STON2: variants seen among roughly 807,000 people sequenced by gnomAD.
STON2 encodes the protein stonin-2.
Under a neutral mutation model 65.7 loss-of-function variants are expected in STON2, and 29 were observed. The observed-to-expected ratio is 0.44, with a 90% CI of 0.33 to 0.60. The LOEUF (loss-of-function observed/expected upper bound fraction) is 0.60, where lower values mean the gene tolerates loss of function less well. Ranked by LOEUF, STON2 falls within the 20% of genes least tolerant of loss-of-function variation. The probability of loss-of-function intolerance (pLI) is 0.03; values close to 1 mark genes in which losing one functional copy is unlikely to be tolerated. For synonymous variants in STON2, 404 were observed against 414.2 expected (o/e 0.98, Z 0.30); for missense variants, 1,054 against 1,118.1 (o/e 0.94, Z 0.82).
intron 3 of STON2, among the ~76,000 whole-genome samples, chr14:81,394,144 T>C (rs1213159491): frequency 6.6e-6 from 1 of 151,860 alleles, no homozygotes; most frequent in Non-Finnish European, 1.5e-5. Flanking sequence ...TGAGCTGAGA[T>C]TGCACCACTG....
In STON2 at chr14:81,266,814, A is replaced by G; in HGVS notation, c.*1600T>C. The G allele has an allele frequency of 1.3e-6, 1 of 758,078 alleles. No homozygotes were observed. The highest frequency in any genetic ancestry group is 6.0e-5 in the South Asian group (1 of 16,684). The allele number at this position is 758,078 out of a possible 1,614,324, so 47.0% of individuals were successfully genotyped here. ...CACCGTTCCCATCAACACCACACACATAAACACACACAAACACACACATCC... is the reference window on the plus strand; with the variant it reads ...CACCGTTCCCATCAACACCACACACGTAAACACACACAAACACACACATCC... On this transcript the variant is annotated 3_prime_UTR_variant, in exon 8 of 8. Transcript: ENST00000614646.
intron 4 of STON2, among the ~76,000 whole-genome samples, chr14:81,340,132 C>G (rs572629168): frequency 6.6e-6 from 1 of 152,124 alleles, no homozygotes; most frequent in Non-Finnish European, 1.5e-5. Context: ...CCAGCCTGGG[C>G]GACAGAGCGA....
At chr14:81,418,268 G>C (rs1901537183) in intron 2 of STON2, 1 of 152,352 alleles carries the variant, frequency 6.6e-6, no homozygotes, top group Non-Finnish European at 1.5e-5. Context: ...CCTGTGCATG[G>C]GAACTCCTCT....
chr14:81,417,898 T>A (rs2139884552), intron 2 of STON2, among the ~76,000 whole-genome samples: 1 of 152,146 alleles, frequency 6.6e-6, no homozygotes, highest in South Asian at 2.1e-4. Context: ...ACCAGAGGGC[T>A]CCAGGCTATG....
chr14:81,287,254 G>A (rs1339841453), intron 5 of STON2, among the ~76,000 whole-genome samples: 3 of 152,118 alleles, frequency 2.0e-5, no homozygotes, highest in East Asian at 1.9e-4. Flanking sequence ...ATAAGTCTAC[G>A]CTGGGACCTA....
chr14:81,420,053 A>G (rs1901628659), intron 2 of STON2, among the ~76,000 whole-genome samples: 1 of 152,002 alleles, frequency 6.6e-6, no homozygotes, highest in Non-Finnish European at 1.5e-5. Flanking sequence ...TGTTGGCCCA[A>G]CTCCCCACAT....
At chr14:81,294,057 T>C (rs998090618) in intron 5 of STON2, among the ~76,000 whole-genome samples, 28 of 152,194 alleles carry the variant, frequency 1.8e-4, no homozygotes, top group African/African-American at 5.5e-4. Context: ...CACAGTAAAA[T>C]TGGCTTCTGT....
intron 2 of STON2, among the ~76,000 whole-genome samples, chr14:81,422,595 T>C (rs970921673): frequency 6.6e-6 from 1 of 152,134 alleles, no homozygotes; most frequent in African/African-American, 2.4e-5. Flanking sequence ...CTGAGTGTGC[T>C]TGAGAAAGGA....
At chr14:81,344,447 C>G (rs1421916509) in intron 4 of STON2, among the ~76,000 whole-genome samples, 1 of 152,166 alleles carries the variant, frequency 6.6e-6, no homozygotes, top group Non-Finnish European at 1.5e-5. Context: ...AATGATTACA[C>G]ATTCTATTCT....
chr14:81,348,522 T>A (rs1897902307), intron 4 of STON2, among the ~76,000 whole-genome samples: 1 of 151,900 alleles, frequency 6.6e-6, no homozygotes. Flanking sequence ...AAAACAATCC[T>A]GGGAATAAAT....
chr14:81,295,654 G>C (rs1050718123), intron 5 of STON2, among the ~76,000 whole-genome samples: 2 of 151,682 alleles, frequency 1.3e-5, no homozygotes, highest in Non-Finnish European at 2.9e-5. Flanking sequence ...GGGCCATAGA[G>C]TTAAGTATTC....
intron 2 of STON2, among the ~76,000 whole-genome samples, chr14:81,422,877 CA>C (rs1312198579): frequency 6.6e-6 from 1 of 151,466 alleles, no homozygotes; most frequent in Non-Finnish European, 1.5e-5. Context: ...ACTAAAGATA[CA>C]AAAAAAATTA....
chr14:81,404,075 C>T (rs1455853855), upstream of STON2, among the ~76,000 whole-genome samples: 7 of 152,164 alleles, frequency 4.6e-5, 1 homozygote, highest in Non-Finnish European at 7.3e-5. Context: ...TTTGCCTTAA[C>T]ATACAGTAGG....
intron 2 of STON2, among the ~76,000 whole-genome samples, chr14:81,406,623 C>CGGAAAG (rs1900875266): frequency 6.6e-6 from 1 of 152,148 alleles, no homozygotes; most frequent in Non-Finnish European, 1.5e-5. Flanking sequence ...TGATCCTTAC[C>CGGAAAG]CCTAAGACAC....
At chr14:81,375,456 C>G (rs896553597) in intron 3 of STON2, among the ~76,000 whole-genome samples, 2 of 151,632 alleles carry the variant, frequency 1.3e-5, no homozygotes, top group Non-Finnish European at 2.9e-5. Flanking sequence ...GACTTTACAA[C>G]AAAATGATAA....
At chr14:81,279,731 G>T (rs1462996519) in intron 5 of STON2, among the ~76,000 whole-genome samples, 1 of 152,056 alleles carries the variant, frequency 6.6e-6, no homozygotes, top group Admixed American at 6.6e-5. Flanking sequence ...TGAAGATTTT[G>T]AAAGATTTTA....
At chr14:81,366,809 G>A (rs1898755263) in intron 4 of STON2, among the ~76,000 whole-genome samples, 1 of 144,658 alleles carries the variant, frequency 6.9e-6, no homozygotes, top group Admixed American at 7.0e-5. Context: ...AAATGGAAAT[G>A]AGGCAGAGAG....
intron 4 of STON2, among the ~76,000 whole-genome samples, chr14:81,338,592 C>T (rs1033999910): frequency 1.3e-5 from 2 of 152,076 alleles, no homozygotes; most frequent in African/African-American, 4.8e-5. Flanking sequence ...TATATCTGGT[C>T]GATCAGAAGT....
At chr14:81,366,498 G>A (rs1031456024) in intron 4 of STON2, among the ~76,000 whole-genome samples, 23 of 152,108 alleles carry the variant, frequency 1.5e-4, no homozygotes, top group African/African-American at 4.6e-4. Context: ...AGCTGAGGGA[G>A]CTCCGGATGA....
Sources: gnomAD v4.1 joint callset for allele counts (sites outside exome capture counted in the v4.1 genomes callset) on GRCh38, gnomAD v4.1.1 for gene constraint, MANE v1.5 for transcripts, NCBI Gene and HGNC (gene_info 2026-07-23, HGNC 2026-07-21) for gene names.